Variants in ASTN2 observed in about 807,000 individuals in gnomAD.
ASTN2 encodes astrotactin-2.
Under a neutral mutation model 139.8 loss-of-function variants are expected in ASTN2, and 54 were observed. The observed-to-expected ratio is 0.39, with a 90% CI of 0.31 to 0.48. The LOEUF (loss-of-function observed/expected upper bound fraction) is 0.48, where lower values mean the gene tolerates loss of function less well. ASTN2 is among the 20% of genes least tolerant of loss of function. ASTN2 has a pLI of 0.95. For missense variants in ASTN2, 1,565 were observed against 1,725.1 expected (o/e 0.91, Z 1.64); for synonymous variants, 756 against 719.5 (o/e 1.05, Z -0.81).
chr9:117,068,958 A>G (rs1465152754), intron 5 of ASTN2, among the ~76,000 whole-genome samples: 1 of 104,938 alleles, frequency 9.5e-6, no homozygotes, highest in East Asian at 3.8e-4. Context: ...TCAAAAAACC[A>G]GCTCCTGGAT....
At chr9:116,673,469 A>G (rs775308085) in intron 16 of ASTN2, among the ~76,000 whole-genome samples, 4 of 152,194 alleles carry the variant, frequency 2.6e-5, no homozygotes, top group Admixed American at 6.5e-5. Flanking sequence ...CCCCCAAAAT[A>G]TGTTGAAAGC....
intron 10 of ASTN2, among the ~76,000 whole-genome samples, chr9:116,938,773 G>A (rs188179898): frequency 6.6e-6 from 1 of 152,088 alleles, no homozygotes; most frequent in East Asian, 1.9e-4. Flanking sequence ...AAGTACACAG[G>A]GGCATAATTC....
intron 5 of ASTN2, among the ~76,000 whole-genome samples, chr9:117,062,259 C>T (rs1426967783): frequency 6.6e-6 from 1 of 152,162 alleles, no homozygotes; most frequent in African/African-American, 2.4e-5. Flanking sequence ...GATCCAGTCA[C>T]CATTAGAGGA....
At chr9:116,566,401 C>T (rs1022800271) in intron 19 of ASTN2, among the ~76,000 whole-genome samples, 2 of 152,200 alleles carry the variant, frequency 1.3e-5, no homozygotes, top group African/African-American at 4.8e-5. Flanking sequence ...CATCCCCTTA[C>T]TTTTCACATT....
intron 11 of ASTN2, among the ~76,000 whole-genome samples, chr9:116,829,523 AG>A (rs1831742924): frequency 6.6e-6 from 1 of 152,152 alleles, no homozygotes; most frequent in Admixed American, 6.5e-5. Context: ...GCTGTACAGG[AG>A]GCATGGCTGG....
Position 116,698,876 on chromosome 9 carries a change from C to T in ASTN2, c.2806+26895G>A, listed in dbSNP as rs776448126. 1.4e-5 allele frequency: 23 copies of T among 1,614,110 alleles called. No homozygotes were observed. Among genetic ancestry groups the T allele is most frequent in the African/African-American group, 1.3e-4 (10 of 74,940 alleles). ...TGTTCAATCTTCCAGTCAGTCTCTA[C>T]GTGACCAGTCAAGGTGAAGTACTAG... On this transcript the variant is annotated intron_variant, in intron 16 of 22. Coordinates refer to ENST00000313400, the MANE Select transcript of ASTN2 (RefSeq NM_001365068.1). The surrounding 1 kb of genome is among the most constrained non-coding windows in gnomAD (Gnocchi z 4.4).
chr9:117,003,953 C>CGCGCGTGTGTGTGTGTGTGTGTGTGT (rs1218309835), intron 7 of ASTN2, among the ~76,000 whole-genome samples: 1 of 146,226 alleles, frequency 6.8e-6, no homozygotes, highest in African/African-American at 2.6e-5. Flanking sequence ...CGCGCGCGCG[C>CGCGCGTGTGTGTGTGTGTGTGTGTGT]GTGTGTGTGT....
chr9:116,806,720 T>C (rs1436413232), intron 12 of ASTN2, among the ~76,000 whole-genome samples: 1 of 152,166 alleles, frequency 6.6e-6, no homozygotes, highest in East Asian at 1.9e-4. Context: ...AGTTTCCTCA[T>C]GTGTAAAATA....
chr9:116,780,708 T>C (rs555225578), intron 13 of ASTN2, among the ~76,000 whole-genome samples: 1 of 152,270 alleles, frequency 6.6e-6, no homozygotes, highest in African/African-American at 2.4e-5. Flanking sequence ...TTCTCTTCAT[T>C]TCCATTTCCC....
At chr9:116,582,092 T>C (rs938792890) in intron 19 of ASTN2, 1 of 152,214 alleles carries the variant, frequency 6.6e-6, no homozygotes, top group Non-Finnish European at 1.5e-5. Context: ...TAATTGATAA[T>C]TTCACTGTCC....
At chr9:116,988,306 A>G (rs1836741728) in intron 7 of ASTN2, among the ~76,000 whole-genome samples, 1 of 152,192 alleles carries the variant, frequency 6.6e-6, no homozygotes. Flanking sequence ...TAAGTTAATC[A>G]TGCCCACTCT....
At chr9:117,227,929 TTATTAC>T (rs1157686455) in intron 2 of ASTN2, among the ~76,000 whole-genome samples, 1 of 152,318 alleles carries the variant, frequency 6.6e-6, no homozygotes, top group East Asian at 1.9e-4. Context: ...TATCTATTTG[TTATTAC>T]TATTACTATA....
Position 117,316,879 on chromosome 9 carries a change from G to A in ASTN2, c.443-25366C>T, listed in dbSNP as rs146696453. Among the ~76,000 whole-genome samples, 7 of 152,290 alleles carry A rather than the reference G, an allele frequency of 4.6e-5. No homozygotes were observed. The East Asian group carries it at 1.4e-3, about 29-fold the overall frequency. On this transcript the variant is annotated intron_variant, in intron 1 of 22. Transcript: ENST00000313400. ...GGTCTGGGCCCAACGAAGGTCAGAA[G>A]TTGTCCAAGAAAGATGCAGTGAGGC...
At chr9:117,024,505 G>A (rs1010438575) in intron 6 of ASTN2, among the ~76,000 whole-genome samples, 1 of 152,030 alleles carries the variant, frequency 6.6e-6, no homozygotes, top group African/African-American at 2.4e-5. Context: ...ACAAAAGGGG[G>A]TGGTTATAAA....
intron 19 of ASTN2, among the ~76,000 whole-genome samples, chr9:116,552,588 G>A (rs1170308437): frequency 6.6e-6 from 1 of 152,202 alleles, no homozygotes; most frequent in Non-Finnish European, 1.5e-5. Context: ...TTTGAAAGGA[G>A]AGAAGGAGAG....
chr9:116,691,866 C>T (rs1370027668), intron 16 of ASTN2, among the ~76,000 whole-genome samples: 1 of 152,122 alleles, frequency 6.6e-6, no homozygotes, highest in Admixed American at 6.5e-5. Flanking sequence ...AGAAAGCTGA[C>T]ATAAAAGGAA....
chr9:116,441,931 T>A lies in ASTN2; in HGVS notation c.3598+522A>T, dbSNP rs80068103. The stretch of plus-strand genomic sequence containing the variant: ...AGCAGCAAAAACATTTAATCTTGCA[T>A]GCTAACTGACTGATAATCACTGATG... On this transcript the variant is annotated intron_variant, in intron 21 of 22. Coordinates refer to ENST00000313400, the MANE Select transcript of ASTN2 (RefSeq NM_001365068.1). Among the ~76,000 whole-genome samples the A allele has an allele frequency of 0.013, 1,980 of 152,350 alleles. 182 individuals are homozygous for A. The South Asian group carries it at 0.21, about 16-fold the overall frequency.
chr9:117,292,929 C>A (rs946434855), intron 1 of ASTN2, among the ~76,000 whole-genome samples: 2 of 152,110 alleles, frequency 1.3e-5, no homozygotes, highest in Admixed American at 6.5e-5. Context: ...ATAGACTCTC[C>A]CTCCTTGAGG....
intron 4 of ASTN2, among the ~76,000 whole-genome samples, chr9:117,134,820 G>A (rs894992822): frequency 3.9e-5 from 6 of 152,218 alleles, no homozygotes; most frequent in Admixed American, 2.0e-4. Context: ...CTGGTAGGCC[G>A]AGATCTAGTT....
Sources: allele counts gnomAD v4.1 joint callset (sites outside exome capture counted in the v4.1 genomes callset), GRCh38; gene constraint gnomAD v4.1.1; non-coding constraint Gnocchi (gnomAD v3.1); transcripts MANE v1.5; gene names NCBI Gene and HGNC (gene_info 2026-07-23, HGNC 2026-07-21).